Variants in CDC37 observed in about 807,000 individuals in gnomAD.
CDC37 encodes the protein hsp90 co-chaperone Cdc37.
A neutral mutation model predicts 46.9 loss-of-function variants in CDC37; 9 were observed. That is an observed-to-expected ratio of 0.19 (90% CI 0.12 to 0.33). The LOEUF is 0.33. Among genes scored for constraint, CDC37 ranks in the 10% least tolerant of loss-of-function variants. The pLI is 1.00. For synonymous variants in CDC37, 193 were observed against 191.0 expected (o/e 1.01, Z -0.09); for missense variants, 388 against 514.6 (o/e 0.75, Z 2.38).
rs753030780 is a variant in CDC37, at chr19:10,395,473, G to T, written c.449C>A (p.Thr150Asn). ...SEEVREQKHKTFVEKYEKQIK... is the reference protein window; with the variant it reads ...SEEVREQKHKNFVEKYEKQIK... The stretch of plus-strand genomic sequence containing the variant: ...CTGTTTCTCGTATTTTTCCACGAAG[G>T]TCTTGTGTTTCTGCTCCCTCACCTC... Residue 150 changes from threonine (T) to asparagine (N), a missense_variant, in exon 3 of 8, where the codon ACC becomes AAC. By Grantham distance (65) the Thr-to-Asn change is moderately conservative. This residue lies in a region of CDC37 where 374 missense variants were observed against 467.4 expected (regional missense o/e 0.80). Transcript: ENST00000222005. The T allele has an allele frequency of 7.4e-6, 12 of 1,614,038 alleles. No individual in the cohort carries two copies. In the East Asian group the frequency reaches 1.6e-4, roughly 21 times the overall value.
intron 7 of CDC37, chr19:10,392,720 CA>C: frequency 3.5e-6 from 1 of 286,870 alleles, no homozygotes; most frequent in Admixed American, 4.9e-5. Context: ...AACAAGTAGA[CA>C]AAATCCAATT....
chr19:10,394,992 C>T, intron 5 of CDC37, 29 bp downstream of exon 5: 1 of 1,509,882 alleles, frequency 6.6e-7, no homozygotes, highest in Non-Finnish European at 8.8e-7. Context: ...GAGGGGGCCT[C>T]CAGCCACCTG....
chr19:10,403,489 G>T lies in CDC37; in HGVS notation c.-10C>A. On this transcript the variant is annotated 5_prime_UTR_variant, in exon 1 of 8. Coordinates refer to ENST00000222005, the MANE Select transcript of CDC37 (RefSeq NM_007065.4). ...CGCTGTAGTCCACCATCTTGCCTTG[G>T]CGGCCCAGCCCGCTCCGGCTCGGGT... The T allele has an allele frequency of 6.2e-7, 1 of 1,608,568 alleles. No homozygotes were observed.
In CDC37 at chr19:10,393,072, C is replaced by T. The variant is rs753032708; in HGVS notation, c.981+14G>A. ...CGGCCCGCCGGGAAGGCATGGGGCG[C>T]GGGGGTTACTCACGGTGGGGTCCAT... On this transcript the variant is annotated intron_variant, in intron 7 of 7. Transcript: ENST00000222005. This position sits in a 1 kb window ranked among gnomAD's most constrained non-coding sequence, Gnocchi z 4.9. 1.4e-5 allele frequency: 22 copies of T among 1,611,818 alleles called. No individual in the cohort carries two copies. Among genetic ancestry groups the T allele is most frequent in the Middle Eastern group, 1.6e-4 (1 of 6,084 alleles).
chr19:10,394,898 T>C (rs2042478835), intron 5 of CDC37, 123 bp downstream of exon 5: 2 of 1,078,762 alleles, frequency 1.9e-6, no homozygotes, highest in East Asian at 5.1e-5. Context: ...CCTCTCCTGA[T>C]CTAGGATGCG....
intron 7 of CDC37, among the ~76,000 whole-genome samples, chr19:10,392,167 A>G (rs1180148332): frequency 6.6e-6 from 1 of 152,102 alleles, no homozygotes; most frequent in African/African-American, 2.4e-5. Context: ...AAAAGCCAGC[A>G]AATTTTTTTT....
chr19:10,399,850 T>G (rs2042509326), intron 1 of CDC37, among the ~76,000 whole-genome samples: 1 of 147,628 alleles, frequency 6.8e-6, no homozygotes, highest in South Asian at 2.1e-4. Context: ...GAGAATTGCT[T>G]GAACCTGGGA....
chr19:10,396,035 G>C lies in CDC37; in HGVS notation c.271C>G (p.Leu91Val), dbSNP rs2042490265. The C allele has an allele frequency of 6.2e-7, 1 of 1,613,832 alleles. No homozygotes were observed. The highest frequency in any genetic ancestry group is 8.5e-7 in the Non-Finnish European group (1 of 1,179,948). Residue 91 changes from leucine (L) to valine (V), a missense_variant, in exon 2 of 8, where the codon CTG (leucine) becomes GTG (valine). Around this residue, in one of 2 missense-constraint regions of CDC37, gnomAD observed 374 missense variants for 467.4 expected, o/e 0.80. Transcript: ENST00000222005. This position sits in a 1 kb window ranked among gnomAD's most constrained non-coding sequence, Gnocchi z 5.9. The part of the protein sequence containing the change: ...LERLQAEAQQ[L>V]RKEERSWEQK... ...TCCCAGCTCCGCTCCTCCTTGCGCA[G>C]CTGCTGTGCCTCGGCCTGCAGGCGC...
In CDC37 at chr19:10,403,507, G is replaced by A. The variant is rs752725255; in HGVS notation, c.-28C>T. 2.6e-6 allele frequency: 4 copies of A among 1,564,888 alleles called. No individual in the cohort carries two copies. The highest frequency in any genetic ancestry group is 2.7e-5 in the African/African-American group (2 of 73,984). ...TGCCTTGGCGGCCCAGCCCGCTCCG[G>A]CTCGGGTGGCGGCGACGGCGGCAGC... On this transcript the variant is annotated 5_prime_UTR_variant, in exon 1 of 8. Coordinates refer to ENST00000222005, the MANE Select transcript of CDC37 (RefSeq NM_007065.4).
chr19:10,393,312 G>A lies in CDC37; in HGVS notation c.856C>T (p.Arg286Trp), dbSNP rs369260677. The A allele has an allele frequency of 6.8e-6, 11 of 1,613,854 alleles. No individual in the cohort carries two copies. Among genetic ancestry groups the A allele is most frequent in the African/African-American group, 2.7e-5 (2 of 74,996 alleles). ...KEYEEEERKKRLGPGGLDPVE... is the reference protein window; with the variant it reads ...KEYEEEERKKWLGPGGLDPVE... ...GGGTCCAGGCCGCCGGGGCCGAGCC[G>A]CTTCTTGCGCTCCTCCTCCTCGTAC... Residue 286 changes from arginine (R) to tryptophan (W), a missense_variant, in exon 6 of 8, where the codon CGG (arginine) becomes TGG (tryptophan). Arg to Trp is a moderately radical substitution (Grantham distance 101, BLOSUM62 -3). Around this residue, in one of 2 missense-constraint regions of CDC37, gnomAD observed 374 missense variants for 467.4 expected, o/e 0.80. Transcript: ENST00000222005. The surrounding 1 kb of genome is among the most constrained non-coding windows in gnomAD (Gnocchi z 4.9).
intron 2 of CDC37, 41 bp from the exon 3 acceptor site, chr19:10,395,584 G>A: frequency 6.7e-7 from 1 of 1,502,270 alleles, no homozygotes; most frequent in South Asian, 1.1e-5. Context: ...GGGCAAGGCT[G>A]CGGAGCGCCT....
rs746176061 is a variant in CDC37 at position 10,393,304 on chromosome 19, G to A, written c.864C>T (p.Gly288=). The A allele has an allele frequency of 1.9e-6, 3 of 1,613,798 alleles. No individual in the cohort carries two copies. Among genetic ancestry groups the A allele is most frequent in the Non-Finnish European group, 2.5e-6 (3 of 1,179,862 alleles). ...YEEEERKKRL[G]PGGLDPVEVY... Reference sequence around the variant, plus strand: ...CCTCGACGGGGTCCAGGCCGCCGGGGCCGAGCCGCTTCTTGCGCTCCTCCT... The same window carrying A: ...CCTCGACGGGGTCCAGGCCGCCGGGACCGAGCCGCTTCTTGCGCTCCTCCT... Residue 288 remains glycine, a synonymous_variant, in exon 6 of 8, where the codon GGC becomes GGT. Coordinates refer to ENST00000222005, the MANE Select transcript of CDC37 (RefSeq NM_007065.4). This position sits in a 1 kb window ranked among gnomAD's most constrained non-coding sequence, Gnocchi z 4.9.
At chr19:10,392,179 G>T in intron 7 of CDC37, among the ~76,000 whole-genome samples, 1 of 151,628 alleles carries the variant, frequency 6.6e-6, no homozygotes. Context: ...ATTTTTTTTT[G>T]GTAAAGGGAC....
At chr19:10,392,356 T>C (rs2042461931) in intron 7 of CDC37, among the ~76,000 whole-genome samples, 1 of 152,158 alleles carries the variant, frequency 6.6e-6, no homozygotes, top group African/African-American at 2.4e-5. Flanking sequence ...GAGCTGCGGT[T>C]TGCAGAACCT....
Position 10,398,380 on chromosome 19 carries a change from C to T in CDC37, c.103-2177G>A, listed in dbSNP as rs2042502420. On this transcript the variant is annotated intron_variant, in intron 1 of 7. Transcript: ENST00000222005. The surrounding 1 kb of genome is among the most constrained non-coding windows in gnomAD (Gnocchi z 4.2). The stretch of plus-strand genomic sequence containing the variant: ...TTCCCCAAATGCTCCCTGCCTGAGG[C>T]ACCACTGATCCCTAAAGGACCTCCT... Among the ~76,000 whole-genome samples the T allele has an allele frequency of 6.6e-6, 1 of 152,240 alleles. No individual in the cohort carries two copies. Among genetic ancestry groups the T allele is most frequent in the Non-Finnish European group, 1.5e-5 (1 of 68,046 alleles).
chr19:10,398,271 T>C lies in CDC37; in HGVS notation c.103-2068A>G, dbSNP rs2042501970. On this transcript the variant is annotated intron_variant, in intron 1 of 7. Transcript: ENST00000222005. The surrounding 1 kb of genome is among the most constrained non-coding windows in gnomAD (Gnocchi z 4.2). ...ACTGGCCCTCATCGTTCCCCGAAAG[T>C]ACGGGCTCTGTCTTGCCTCTTGGCC... 2.0e-5 allele frequency among the ~76,000 whole-genome samples: 3 copies of C among 152,228 alleles called. No individual in the cohort carries two copies. Among genetic ancestry groups the C allele is most frequent in the Non-Finnish European group, 4.4e-5 (3 of 68,040 alleles).
chr19:10,397,952 C>T (rs2042500558), intron 1 of CDC37, among the ~76,000 whole-genome samples: 1 of 152,144 alleles, frequency 6.6e-6, no homozygotes, highest in South Asian at 2.1e-4. Flanking sequence ...CATCTGGGCC[C>T]CATCGGATTG....
chr19:10,391,563 A>G lies in CDC37; in HGVS notation c.1125T>C (p.Asp375=), dbSNP rs1020159564. The change falls in exon 8 of 8, where the codon GAT becomes GAC. Residue 375 remains aspartate, a synonymous_variant. Coordinates refer to ENST00000222005, the MANE Select transcript of CDC37 (RefSeq NM_007065.4). ...TAGCTGGGGCAGGTCACACACTGAC[A>G]TCCTTCTCATCGCCCGTCTTGGGAA... is the stretch of plus-strand genomic sequence containing the variant. ...EAVPKTGDEK[D]VSV The G allele has an allele frequency of 1.2e-6, 2 of 1,614,100 alleles. No individual in the cohort carries two copies. Among genetic ancestry groups the G allele is most frequent in the African/African-American group, 1.3e-5 (1 of 74,946 alleles).
intron 1 of CDC37, chr19:10,400,525 CCT>C (rs1444616622): frequency 1.3e-5 from 2 of 152,146 alleles, no homozygotes; most frequent in African/African-American, 4.8e-5. Flanking sequence ...ATGGTGAAAC[CCT>C]GTCTCTACCA....
Sources: gnomAD v4.1 joint callset for allele counts (sites outside exome capture counted in the v4.1 genomes callset) on GRCh38, gnomAD v4.1.1 for gene constraint, gnomAD v4.1.1 regional missense constraint, Gnocchi (gnomAD v3.1) non-coding constraint, MANE v1.5 for transcripts, NCBI Gene and HGNC (gene_info 2026-07-23, HGNC 2026-07-21) for gene names.